PUM2: variants seen among roughly 807,000 people sequenced by gnomAD.
PUM2 encodes the protein pumilio RNA binding family member 2.
Under a neutral mutation model 124.5 loss-of-function variants are expected in PUM2, and 57 were observed. The observed-to-expected ratio is 0.46, with a 90% CI of 0.37 to 0.57. The LOEUF is 0.57. Ranked by LOEUF, PUM2 falls within the 20% of genes least tolerant of loss-of-function variation. The probability of loss-of-function intolerance (pLI) is 0.00; values close to 1 mark genes in which losing one functional copy is unlikely to be tolerated. For synonymous variants in PUM2, 460 were observed against 446.1 expected (o/e 1.03, Z -0.39); for missense variants, 1,065 against 1,290.6 (o/e 0.83, Z 2.68).
At chr2:20,258,213 T>C (rs1233402461) in intron 16 of PUM2, 30 bp downstream of exon 16, 2 of 1,531,796 alleles carry the variant, frequency 1.3e-6, no homozygotes, top group East Asian at 2.4e-5. Context: ...AATAAAATAA[T>C]ACAAAAATTT....
At chr2:20,252,900 G>A (rs1036599199) in intron 20 of PUM2, among the ~76,000 whole-genome samples, 2 of 152,142 alleles carry the variant, frequency 1.3e-5, no homozygotes, top group Non-Finnish European at 2.9e-5. Flanking sequence ...GTATTAAACA[G>A]ATTTTTTACT....
chr2:20,270,113 T>C (rs1375905465), intron 13 of PUM2, among the ~76,000 whole-genome samples: 1 of 152,300 alleles, frequency 6.6e-6, no homozygotes, highest in African/African-American at 2.4e-5. Flanking sequence ...TTAAAAAACC[T>C]ACCCCTAACC....
chr2:20,250,047 A>C lies in PUM2; in HGVS notation c.*1538T>G, dbSNP rs1171530096. 6.6e-6 allele frequency: 1 copy of C among 152,636 alleles called. No individual in the cohort carries two copies. 9.5% of individuals were successfully genotyped at this position (152,636 alleles called of 1,614,324 possible). ...TTGGGAGTAGGCTATTCAAAAATAC[A>C]GTACTCTTCTGTACAAAGAAAAAAG... On this transcript the variant is annotated 3_prime_UTR_variant, in exon 21 of 21. Coordinates refer to ENST00000361078, the MANE Select transcript of PUM2 (RefSeq NM_015317.5).
chr2:20,348,060 T>C (rs577965420), intron 1 of PUM2, among the ~76,000 whole-genome samples: 1 of 152,234 alleles, frequency 6.6e-6, no homozygotes, highest in Non-Finnish European at 1.5e-5. Context: ...CCGGGGCTCA[T>C]GCTTTTAATA....
At chr2:20,324,690 C>CA (rs1304916824) in intron 2 of PUM2, among the ~76,000 whole-genome samples, 4 of 152,102 alleles carry the variant, frequency 2.6e-5, no homozygotes. Context: ...AACATGCTAT[C>CA]AGTGTAAAAA....
chr2:20,260,494 AAT>A (rs777727156), intron 14 of PUM2, 28 bp from the exon 15 acceptor site: 4 of 1,575,202 alleles, frequency 2.5e-6, no homozygotes, highest in South Asian at 1.1e-5. Flanking sequence ...TTAATATGAC[AAT>A]ATGTTTTTTA....
At chr2:20,294,885 T>C (rs1214087958) in intron 8 of PUM2, among the ~76,000 whole-genome samples, 2 of 152,236 alleles carry the variant, frequency 1.3e-5, no homozygotes, top group African/African-American at 4.8e-5. Context: ...TCAGAGAATT[T>C]TGACTACTGA....
chr2:20,319,760 C>G (rs1681858489), intron 2 of PUM2, among the ~76,000 whole-genome samples: 1 of 152,150 alleles, frequency 6.6e-6, no homozygotes, highest in South Asian at 2.1e-4. Flanking sequence ...GCAAAGCTAA[C>G]AGATGCTGGC....
At chr2:20,281,757 G>A (rs1177688142) in intron 12 of PUM2, among the ~76,000 whole-genome samples, 1 of 152,144 alleles carries the variant, frequency 6.6e-6, no homozygotes, top group African/African-American at 2.4e-5. Flanking sequence ...ATTCTTATGA[G>A]CAGTCTTCAG....
upstream of PUM2, chr2:20,350,896 G>A (rs1315179680): frequency 1.5e-5 from 9 of 610,880 alleles, no homozygotes; most frequent in East Asian, 1.3e-3. Context: ...AGGGGAGGGG[G>A]AGCGCTCACC....
intron 7 of PUM2, among the ~76,000 whole-genome samples, chr2:20,301,413 A>G (rs1253633817): frequency 1.3e-5 from 2 of 152,160 alleles, no homozygotes; most frequent in African/African-American, 4.8e-5. Flanking sequence ...AAATTCAAAT[A>G]CTGGGAGATA....
chr2:20,333,240 C>CA (rs1171455727), intron 1 of PUM2, among the ~76,000 whole-genome samples: 1 of 152,092 alleles, frequency 6.6e-6, no homozygotes, highest in Non-Finnish European at 1.5e-5. Context: ...GTGCATAATC[C>CA]AAAATGTCAA....
intron 12 of PUM2, 64 bp from the exon 13 acceptor site, chr2:20,278,883 A>C (rs1290883761): frequency 8.4e-7 from 1 of 1,193,646 alleles, no homozygotes; most frequent in Admixed American, 2.0e-5. Flanking sequence ...TCTATCCCCA[A>C]CTCTCGCTGG....
intron 13 of PUM2, among the ~76,000 whole-genome samples, chr2:20,275,965 TTAA>T (rs777374445): frequency 1.3e-5 from 2 of 152,024 alleles, no homozygotes; most frequent in Admixed American, 6.6e-5. Flanking sequence ...GAGATTAGAG[TTAA>T]TAATAAATTA....
intron 9 of PUM2, among the ~76,000 whole-genome samples, chr2:20,291,902 A>G (rs1674199222): frequency 6.6e-6 from 1 of 151,986 alleles, no homozygotes; most frequent in East Asian, 1.9e-4. Context: ...TTAGGAATGA[A>G]TTTTCCATCA....
At position 20,314,920 on chromosome 2, in the gene PUM2, T is replaced by A. The variant is rs534974911; in HGVS notation, c.161-2497A>T. ...AAATATAATCCATGATACTATGAGA[T>A]CTGAAAGATGGGCATTCAAGTCTAA... On this transcript the variant is annotated intron_variant, in intron 3 of 20. Transcript: ENST00000361078. Among the ~76,000 whole-genome samples the A allele has an allele frequency of 2.0e-4, 30 of 150,274 alleles. No individual in the cohort carries two copies. The South Asian group carries it at 4.8e-3, about 24-fold the overall frequency.
intron 7 of PUM2, among the ~76,000 whole-genome samples, chr2:20,300,930 A>G (rs1443315282): frequency 1.3e-5 from 2 of 152,232 alleles, no homozygotes; most frequent in Non-Finnish European, 2.9e-5. Flanking sequence ...ACCAAGCCAG[A>G]CTAACACATA....
chr2:20,319,024 C>CCT (rs1292898924), intron 2 of PUM2, among the ~76,000 whole-genome samples: 1 of 152,206 alleles, frequency 6.6e-6, no homozygotes, highest in Non-Finnish European at 1.5e-5. Flanking sequence ...CCCTAGACCA[C>CCT]CTCCTATCAT....
rs778404461 is a variant in PUM2, at chr2:20,251,697, G to A, written c.3083C>T (p.Thr1028Ile). The A allele has an allele frequency of 1.2e-6, 2 of 1,612,910 alleles. No homozygotes were observed. Among genetic ancestry groups the A allele is most frequent in the Non-Finnish European group, 1.7e-6 (2 of 1,179,390 alleles). ...CTTCCCGTATGTGTATTTGCGCAAAGTAGTAATGTGAGGTCGAATCTGAAA... is the reference window on the plus strand; with the variant it reads ...CTTCCCGTATGTGTATTTGCGCAAAATAGTAATGTGAGGTCGAATCTGAAA... ...IMHKIRPHITTLRKYTYGKHI... is the reference protein window; with the variant it reads ...IMHKIRPHITILRKYTYGKHI... Residue 1028 changes from threonine to isoleucine, a missense_variant, in exon 21 of 21, where the codon ACT becomes ATT. Coordinates refer to ENST00000361078, the MANE Select transcript of PUM2 (RefSeq NM_015317.5).
Sources: allele counts gnomAD v4.1 joint callset (sites outside exome capture counted in the v4.1 genomes callset), GRCh38; gene constraint gnomAD v4.1.1; transcripts MANE v1.5; gene names NCBI Gene and HGNC (gene_info 2026-07-23, HGNC 2026-07-21).